CERS5: variants seen among roughly 807,000 people sequenced by gnomAD.
CERS5 encodes the protein LAG1 homolog, ceramide synthase 5.
Under a neutral mutation model 58.9 loss-of-function variants are expected in CERS5, and 37 were observed. That is an observed-to-expected ratio of 0.63 (90% CI 0.48 to 0.83). The LOEUF (loss-of-function observed/expected upper bound fraction) is 0.83, where lower values mean the gene tolerates loss of function less well. CERS5 is among the 40% of genes least tolerant of loss of function. The pLI, the probability that CERS5 is intolerant of heterozygous loss-of-function variation, is 0.00. For missense variants in CERS5, 398 were observed against 489.3 expected (o/e 0.81, Z 1.76); for synonymous variants, 147 against 177.8 (o/e 0.83, Z 1.38).
chr12:50,138,227 T>C (rs1180757993), intron 5 of CERS5, among the ~76,000 whole-genome samples: 1 of 152,150 alleles, frequency 6.6e-6, no homozygotes. Flanking sequence ...CAAGTTACCC[T>C]TGATACAAAA....
At chr12:50,140,900 T>A (rs779107741) in intron 4 of CERS5, among the ~76,000 whole-genome samples, 5 of 151,980 alleles carry the variant, frequency 3.3e-5, no homozygotes, top group Admixed American at 6.6e-5. Context: ...ATTAAAATCT[T>A]CAAATACAAC....
At chr12:50,159,084 G>A (rs1938975290) in intron 1 of CERS5, among the ~76,000 whole-genome samples, 2 of 152,122 alleles carry the variant, frequency 1.3e-5, no homozygotes, top group African/African-American at 4.8e-5. Flanking sequence ...CACTTTGAGA[G>A]GCCGAGGCGG....
intron 2 of CERS5, 22 bp downstream of exon 2, chr12:50,143,930 C>T (rs1592372021): frequency 1.4e-6 from 2 of 1,414,780 alleles, no homozygotes; most frequent in East Asian, 4.6e-5. Flanking sequence ...GAATATTCCT[C>T]TCTGTTTCTT....
intron 4 of CERS5, among the ~76,000 whole-genome samples, chr12:50,139,836 T>C (rs900607976): frequency 7.9e-5 from 12 of 152,126 alleles, no homozygotes; most frequent in Non-Finnish European, 1.8e-4. Flanking sequence ...ATCCATTGTT[T>C]TTCTAATGCC....
intron 1 of CERS5, among the ~76,000 whole-genome samples, chr12:50,155,420 T>C (rs901125560): frequency 1.3e-5 from 2 of 151,806 alleles, no homozygotes; most frequent in African/African-American, 4.8e-5. Flanking sequence ...AAGTGATCTT[T>C]GCAGCTTCCT....
At chr12:50,166,323 CAAAAAA>C (rs59606341) in intron 1 of CERS5, 41 of 126,864 alleles carry the variant, frequency 3.2e-4, no homozygotes, top group South Asian at 9.6e-4. Flanking sequence ...AACTCTGTCT[CAAAAAA>C]AAAAAAAAAA....
At chr12:50,151,770 C>T (rs1045394592) in intron 1 of CERS5, among the ~76,000 whole-genome samples, 35 of 152,128 alleles carry the variant, frequency 2.3e-4, no homozygotes, top group African/African-American at 6.3e-4. Flanking sequence ...CTCAGCCTCC[C>T]GAGTAGCTGG....
rs1004351115 is a variant in CERS5 at position 50,130,275 on chromosome 12, A to C, written c.*270T>G. On this transcript the variant is annotated 3_prime_UTR_variant, in exon 10 of 10. Coordinates refer to ENST00000317551, the MANE Select transcript of CERS5 (RefSeq NM_147190.5). ...GGCCCCAGTCCACAATTGTGCCCCA[A>C]CCCCGGCAATGAAACTCACGCATAT... 2 of 296,266 alleles carry C rather than the reference A, an allele frequency of 6.8e-6. No individual in the cohort carries two copies. The highest frequency in any genetic ancestry group is 6.2e-6 in the Non-Finnish European group (1 of 160,302). 18.4% of individuals were successfully genotyped at this position (296,266 alleles called of 1,614,324 possible). A position where few individuals can be genotyped will look rare whatever the true frequency, so the allele number is the denominator to read the frequency against.
At chr12:50,143,225 T>G in intron 2 of CERS5, 21 bp from the exon 3 acceptor site, 3 of 1,613,340 alleles carry the variant, frequency 1.9e-6, no homozygotes, top group Non-Finnish European at 2.5e-6. Context: ...ATAACCAGAG[T>G]CAGAACACCC....
At chr12:50,141,958 A>AT in intron 4 of CERS5, 95 bp downstream of exon 4, 3 of 745,216 alleles carry the variant, frequency 4.0e-6, no homozygotes, top group South Asian at 1.8e-5. Context: ...AAAAAAAAAA[A>AT]GAAAAGAAAA....
chr12:50,132,823 T>A, intron 9 of CERS5: 1 of 1,093,374 alleles, frequency 9.1e-7, no homozygotes, highest in South Asian at 1.8e-5. Flanking sequence ...GCAGCTCTAG[T>A]CAATAATGGC....
At chr12:50,145,424 A>C (rs1952215307) in intron 1 of CERS5, among the ~76,000 whole-genome samples, 1 of 152,178 alleles carries the variant, frequency 6.6e-6, no homozygotes, top group African/African-American at 2.4e-5. Flanking sequence ...TTAGCATCTT[A>C]AGGAGTCCCA....
chr12:50,151,570 C>A (rs1421817602), intron 1 of CERS5, among the ~76,000 whole-genome samples: 1 of 152,282 alleles, frequency 6.6e-6, no homozygotes, highest in African/African-American at 2.4e-5. Flanking sequence ...ATGAGGATAA[C>A]AGTAATGCCT....
intron 1 of CERS5, among the ~76,000 whole-genome samples, chr12:50,160,776 C>A (rs1198120204): frequency 1.3e-5 from 2 of 152,124 alleles, no homozygotes; most frequent in Admixed American, 6.6e-5. Flanking sequence ...TGGACTTGGA[C>A]CACACCTTGG....
intron 1 of CERS5, among the ~76,000 whole-genome samples, chr12:50,145,215 A>G (rs1467403646): frequency 6.6e-6 from 1 of 151,318 alleles, no homozygotes; most frequent in Admixed American, 6.6e-5. Flanking sequence ...ATTTTTTTGT[A>G]TATCTAAGAT....
intron 1 of CERS5, among the ~76,000 whole-genome samples, chr12:50,152,038 G>T (rs1938024546): frequency 6.6e-6 from 1 of 152,076 alleles, no homozygotes; most frequent in South Asian, 2.1e-4. Flanking sequence ...CCTGAAACAT[G>T]GTGTTTCCTC....
In CERS5 at chr12:50,132,823, T is replaced by TC. The variant is rs1951406823; in HGVS notation, c.1029+1722dup. On this transcript the variant is annotated intron_variant, in intron 9 of 9. Coordinates refer to ENST00000317551, the MANE Select transcript of CERS5 (RefSeq NM_147190.5). The stretch of plus-strand genomic sequence containing the variant: ...AAAAATCTGGCAACTGCAGCTCTAG[T>TC]CAATAATGGCCCCGAAAAGTCAGGA... 7 of 1,093,256 alleles carry TC rather than the reference T, an allele frequency of 6.4e-6. No homozygotes were observed. The South Asian group carries it at 1.2e-4, about 19-fold the overall frequency. 67.7% of individuals were successfully genotyped at this position (1,093,256 alleles called of 1,614,324 possible). A position where few individuals can be genotyped will look rare whatever the true frequency, so the allele number is the denominator to read the frequency against.
intron 9 of CERS5, among the ~76,000 whole-genome samples, chr12:50,131,449 C>T (rs1281410702): frequency 2.6e-5 from 4 of 151,264 alleles, no homozygotes; most frequent in African/African-American, 9.7e-5. Flanking sequence ...ATCCCAGCTA[C>T]TCAGGAGGCT....
chr12:50,162,544 A>C (rs1939418102), intron 1 of CERS5, among the ~76,000 whole-genome samples: 1 of 152,154 alleles, frequency 6.6e-6, no homozygotes, highest in South Asian at 2.1e-4. Flanking sequence ...TGGGCTCTGA[A>C]AAAAAGAGAA....
Sources: gnomAD v4.1 joint callset for allele counts (sites outside exome capture counted in the v4.1 genomes callset) on GRCh38, gnomAD v4.1.1 for gene constraint, MANE v1.5 for transcripts, NCBI Gene and HGNC (gene_info 2026-07-23, HGNC 2026-07-21) for gene names.